Variants in DOK6 observed in about 807,000 individuals in gnomAD.
DOK6 encodes downstream of tyrosine kinase 6.
A neutral mutation model predicts 44.0 loss-of-function variants in DOK6; 22 were observed. The observed-to-expected ratio is 0.50, with a 90% confidence interval of 0.36 to 0.71. The LOEUF (loss-of-function observed/expected upper bound fraction) is 0.71. Ranked by LOEUF, DOK6 falls within the 30% of genes least tolerant of loss-of-function variation. DOK6 has a pLI of 0.00. For synonymous variants in DOK6, 166 were observed against 145.5 expected (o/e 1.14, Z -1.01); for missense variants, 340 against 416.4 (o/e 0.82, Z 1.60).
chr18:69,750,549 G>A (rs939669276), intron 6 of DOK6, among the ~76,000 whole-genome samples: 1 of 152,122 alleles, frequency 6.6e-6, no homozygotes, highest in African/African-American at 2.4e-5. Flanking sequence ...GCATCAGAAT[G>A]GCTATTATAA....
chr18:69,732,136 A>T (rs1978427784), intron 5 of DOK6, among the ~76,000 whole-genome samples: 1 of 152,164 alleles, frequency 6.6e-6, no homozygotes, highest in Non-Finnish European at 1.5e-5. Context: ...CTTTTTATTT[A>T]GCCATTATAT....
intron 6 of DOK6, among the ~76,000 whole-genome samples, chr18:69,749,074 A>T (rs1195602204): frequency 6.6e-6 from 1 of 151,890 alleles, no homozygotes; most frequent in Non-Finnish European, 1.5e-5. Flanking sequence ...CAAATACCAC[A>T]TGTCCTCACT....
chr18:69,789,117 T>C (rs1980517954), intron 7 of DOK6, among the ~76,000 whole-genome samples: 1 of 152,200 alleles, frequency 6.6e-6, no homozygotes, highest in Non-Finnish European at 1.5e-5. Context: ...GTTACAAACA[T>C]GACCATGATT....
chr18:69,403,851 T>C (rs1362620115), intron 1 of DOK6, among the ~76,000 whole-genome samples: 1 of 152,186 alleles, frequency 6.6e-6, no homozygotes, highest in Non-Finnish European at 1.5e-5. Flanking sequence ...TATCCAAACA[T>C]TAATATTTGC....
intron 3 of DOK6, among the ~76,000 whole-genome samples, chr18:69,609,956 A>G (rs1259777311): frequency 6.6e-6 from 1 of 152,206 alleles, no homozygotes; most frequent in Non-Finnish European, 1.5e-5. Flanking sequence ...CACTTATGTC[A>G]GGTATCTAAA....
intron 3 of DOK6, among the ~76,000 whole-genome samples, chr18:69,655,607 G>A (rs1985340299): frequency 6.6e-6 from 1 of 151,682 alleles, no homozygotes. Flanking sequence ...ACAAAAATTA[G>A]CCAGGTGTGG....
At chr18:69,611,622 A>G (rs2144631103) in intron 3 of DOK6, among the ~76,000 whole-genome samples, 2 of 152,312 alleles carry the variant, frequency 1.3e-5, no homozygotes, top group East Asian at 3.9e-4. Flanking sequence ...ACACCATGAA[A>G]TAAATACTCT....
intron 3 of DOK6, among the ~76,000 whole-genome samples, chr18:69,657,344 T>G (rs966446889): frequency 6.6e-6 from 1 of 152,172 alleles, no homozygotes; most frequent in Non-Finnish European, 1.5e-5. Flanking sequence ...TTTAACTGCA[T>G]GACATGGCTC....
chr18:69,707,365 A>G (rs12327439), intron 5 of DOK6, among the ~76,000 whole-genome samples: 13,668 of 152,288 alleles, frequency 0.09, 694 homozygotes, highest in Admixed American at 0.14. Flanking sequence ...CTCTTAAGAC[A>G]TGAAATCGGC....
chr18:69,539,356 G>A (rs1411140269), intron 1 of DOK6, among the ~76,000 whole-genome samples: 1 of 151,924 alleles, frequency 6.6e-6, no homozygotes, highest in Non-Finnish European at 1.5e-5. Context: ...ATTCTGTAGT[G>A]GAAACTTATT....
intron 2 of DOK6, among the ~76,000 whole-genome samples, chr18:69,571,447 T>G (rs141686113): frequency 6.6e-6 from 1 of 151,976 alleles, no homozygotes; most frequent in South Asian, 2.1e-4. Flanking sequence ...AAAAATTATT[T>G]GAATGGAAAT....
At chr18:69,694,459 T>TA (rs1986348501) in intron 4 of DOK6, among the ~76,000 whole-genome samples, 2 of 146,462 alleles carry the variant, frequency 1.4e-5, no homozygotes, top group African/African-American at 4.9e-5. Flanking sequence ...CACTTTATTA[T>TA]AGCATAATTA....
At chr18:69,603,813 C>T (rs1983934307) in intron 3 of DOK6, among the ~76,000 whole-genome samples, 1 of 139,150 alleles carries the variant, frequency 7.2e-6, no homozygotes, top group Non-Finnish European at 1.6e-5. Context: ...CTGTGGAAAA[C>T]TTTACTCAGT....
chr18:69,431,438 T>TCTGACAG lies in DOK6; in HGVS notation c.66+30129_66+30130insTGACAGC, dbSNP rs1978804374. 2.0e-5 allele frequency among the ~76,000 whole-genome samples: 3 copies of TCTGACAG among 152,296 alleles called. No individual in the cohort carries two copies. In the South Asian group the frequency reaches 6.2e-4, roughly 32 times the overall value. Reference sequence around the variant, plus strand: ...AGGTTTCATTCTTATTTACATAATTTCAAACATCAAAGTTTCTGACAGCAA... The same window carrying TCTGACAG: ...AGGTTTCATTCTTATTTACATAATTTCTGACAGCAAACATCAAAGTTTCTGACAGCAA... On this transcript the variant is annotated intron_variant, in intron 1 of 7. Coordinates refer to ENST00000382713, the MANE Select transcript of DOK6 (RefSeq NM_152721.6).
At chr18:69,733,076 A>G (rs1004029589) in intron 5 of DOK6, among the ~76,000 whole-genome samples, 1 of 152,064 alleles carries the variant, frequency 6.6e-6, no homozygotes, top group Non-Finnish European at 1.5e-5. Context: ...CGCCTGTACA[A>G]ACAGCTACTC....
chr18:69,428,456 T>A (rs955764999), intron 1 of DOK6, among the ~76,000 whole-genome samples: 2 of 152,050 alleles, frequency 1.3e-5, no homozygotes, highest in Non-Finnish European at 2.9e-5. Flanking sequence ...AAGAAAGATT[T>A]CTTCTTTATT....
chr18:69,753,451 T>C (rs1010240162), intron 6 of DOK6, among the ~76,000 whole-genome samples: 2 of 152,238 alleles, frequency 1.3e-5, no homozygotes, highest in African/African-American at 4.8e-5. Flanking sequence ...TGATGAGATG[T>C]GTCGGTTGTC....
chr18:69,646,389 G>C (rs1985073977), intron 3 of DOK6, among the ~76,000 whole-genome samples: 1 of 152,158 alleles, frequency 6.6e-6, no homozygotes, highest in African/African-American at 2.4e-5. Context: ...ACATGAGTAT[G>C]ATGTTACAGT....
intron 5 of DOK6, among the ~76,000 whole-genome samples, chr18:69,709,876 A>T (rs1033853831): frequency 2.6e-5 from 4 of 152,100 alleles, no homozygotes; most frequent in Non-Finnish European, 5.9e-5. Context: ...TTGATTTTTT[A>T]AAAAATTATA....
Sources: allele counts gnomAD v4.1 joint callset (sites outside exome capture counted in the v4.1 genomes callset), GRCh38; gene constraint gnomAD v4.1.1; transcripts MANE v1.5; gene names NCBI Gene and HGNC (gene_info 2026-07-23, HGNC 2026-07-21).